The following COL11A1 variants were observed in gnomAD, a reference collection of about 807,000 sequenced individuals.
COL11A1 encodes collagen type XI alpha 1 chain.
A neutral mutation model predicts 265.2 loss-of-function variants in COL11A1; 74 were observed. The ratio of observed to expected loss-of-function variants is 0.28; its 90% CI spans 0.23 to 0.34. The LOEUF is 0.34. Among genes scored for constraint, COL11A1 ranks in the 10% least tolerant of loss-of-function variants. The pLI is 1.00. For synonymous variants in COL11A1, 816 were observed against 727.6 expected, an observed-to-expected ratio of 1.12 and a Z score of -1.96; for missense variants, 2,165 against 2,263.6, an observed-to-expected ratio of 0.96 and a Z score of 0.88.
At chr1:103,043,764 A>T (rs2102067780) in intron 4 of COL11A1, among the ~76,000 whole-genome samples, 1 of 152,204 alleles carries the variant, frequency 6.6e-6, no homozygotes, top group African/African-American at 2.4e-5. Context: ...ACTTCTAGTT[A>T]TAATTTTTCT....
rs201124160 is a variant in COL11A1 at position 103,074,823 on chromosome 1, G to A, written c.489-43C>T. On this transcript the variant is annotated intron_variant, in intron 3 of 66. Transcript: ENST00000370096. ...TTCTTTTGTAAGCTTCAAAGAAACA[G>A]TGGTTGCCAAAGCAGTATTCACATA... 5.0e-6 allele frequency: 8 copies of A among 1,605,046 alleles called. No homozygotes were observed. The East Asian group carries it at 1.8e-4, about 36-fold the overall frequency.
rs749727653 is a variant in COL11A1, at chr1:102,878,017, T to A, written c.*2A>T. On this transcript the variant is annotated 3_prime_UTR_variant, in exon 67 of 67. Coordinates refer to ENST00000370096, the MANE Select transcript of COL11A1 (RefSeq NM_001854.4). ...TGATTTGATATGTTCTTTGTCTTAA[T>A]CTTAGCCAAGAAAACAAACAGGACC... is the stretch of plus-strand genomic sequence containing the variant. The A allele has an allele frequency of 4.3e-6, 7 of 1,613,236 alleles. No homozygotes were observed. In the African/African-American group the frequency reaches 9.3e-5, roughly 22 times the overall value.
At chr1:103,043,768 T>C (rs1365407260) in intron 4 of COL11A1, among the ~76,000 whole-genome samples, 2 of 152,190 alleles carry the variant, frequency 1.3e-5, no homozygotes, top group East Asian at 3.9e-4. Flanking sequence ...CTAGTTATAA[T>C]TTTTCTAAAA....
At chr1:102,903,087 T>A (rs1032670968) in intron 54 of COL11A1, among the ~76,000 whole-genome samples, 1 of 152,128 alleles carries the variant, frequency 6.6e-6, no homozygotes, top group Non-Finnish European at 1.5e-5. Flanking sequence ...CTCTAGATTT[T>A]TTTTTCAGTA....
chr1:102,984,256 T>A (rs1446188427), intron 30 of COL11A1, 65 bp from the exon 31 acceptor site: 1 of 1,102,616 alleles, frequency 9.1e-7, no homozygotes, highest in Non-Finnish European at 1.3e-6. Flanking sequence ...AATAATGATT[T>A]CAATTTTTTT....
At chr1:103,052,041 T>C (rs539505206) in intron 4 of COL11A1, among the ~76,000 whole-genome samples, 5 of 152,038 alleles carry the variant, frequency 3.3e-5, no homozygotes, top group Non-Finnish European at 7.4e-5. Context: ...AATATTAAGT[T>C]CCTCCCTCCC....
intron 1 of COL11A1, among the ~76,000 whole-genome samples, chr1:103,093,995 A>G (rs182732182): frequency 3.3e-4 from 51 of 152,278 alleles, no homozygotes; most frequent in Middle Eastern, 6.8e-3. Context: ...ATTGTTACAG[A>G]GAAAGCCTTG....
rs774266066 is a variant in COL11A1 at position 102,939,009 on chromosome 1, C to T, written c.3438+26G>A. The T allele has an allele frequency of 1.9e-6, 3 of 1,603,220 alleles. No homozygotes were observed. In the Admixed American group the frequency reaches 5.0e-5, roughly 27 times the overall value. Reference sequence around the variant, plus strand: ...TAAAAGTTGTTAAATAAATAATGTTCTCTCAGTAAGAAGTAGGAAACTCAC... The same window carrying T: ...TAAAAGTTGTTAAATAAATAATGTTTTCTCAGTAAGAAGTAGGAAACTCAC... On this transcript the variant is annotated intron_variant, in intron 44 of 66. Coordinates refer to ENST00000370096, the MANE Select transcript of COL11A1 (RefSeq NM_001854.4).
At chr1:102,901,212 CG>C (rs1319147783) in intron 54 of COL11A1, among the ~76,000 whole-genome samples, 1 of 151,128 alleles carries the variant, frequency 6.6e-6, no homozygotes, top group Non-Finnish European at 1.5e-5. Context: ...CCCAGCTACT[CG>C]GGAGGCTGAG....
chr1:103,096,606 T>C (rs773077617), intron 1 of COL11A1, among the ~76,000 whole-genome samples: 1 of 151,952 alleles, frequency 6.6e-6, no homozygotes, highest in Admixed American at 6.6e-5. Context: ...AATAAAACTT[T>C]AGGAGTTGAC....
chr1:102,922,475 C>A (rs1309042147), intron 47 of COL11A1, among the ~76,000 whole-genome samples: 1 of 152,186 alleles, frequency 6.6e-6, no homozygotes, highest in African/African-American at 2.4e-5. Context: ...CGGCTCACTG[C>A]AAGCTCCGCC....
At chr1:102,914,860 T>C (rs1400140510) in intron 50 of COL11A1, 49 bp from the exon 51 acceptor site, 7 of 1,454,220 alleles carry the variant, frequency 4.8e-6, no homozygotes, top group South Asian at 1.2e-5. Context: ...AGAAGAGTTA[T>C]CTTACAAGTT....
chr1:103,022,683 G>A (rs541175250), intron 8 of COL11A1, 59 bp downstream of exon 8: 259 of 1,600,476 alleles, frequency 1.6e-4, no homozygotes, highest in Non-Finnish European at 2.2e-4. Context: ...GATGGACATG[G>A]ACATAAAAAT....
At chr1:102,978,123 T>C (rs1413881198) in intron 35 of COL11A1, among the ~76,000 whole-genome samples, 2 of 152,160 alleles carry the variant, frequency 1.3e-5, no homozygotes, top group Non-Finnish European at 2.9e-5. Context: ...GGAGGATAGC[T>C]TTTTTAAAAA....
At chr1:102,939,139 T>G (rs1173886697) in intron 43 of COL11A1, 51 bp from the exon 44 acceptor site, 1 of 1,448,084 alleles carries the variant, frequency 6.9e-7, no homozygotes, top group African/African-American at 1.4e-5. Flanking sequence ...GCTATTGCAT[T>G]GTCTTAATTA....
chr1:102,951,695 G>A (rs1426328612), intron 41 of COL11A1, among the ~76,000 whole-genome samples: 2 of 151,958 alleles, frequency 1.3e-5, no homozygotes, highest in East Asian at 1.9e-4. Flanking sequence ...AGCCGATATC[G>A]CGCCACTGCA....
Position 102,888,733 on chromosome 1 carries a change from T to C in COL11A1, c.4544A>G (p.Lys1515Arg). The C allele has an allele frequency of 1.9e-6, 3 of 1,613,978 alleles. No homozygotes were observed. In the South Asian group the frequency reaches 3.3e-5, roughly 18 times the overall value. The change falls in exon 61 of 67, where the codon AAA becomes AGA. Residue 1515 changes from lysine (K) to arginine (R), a missense_variant. By Grantham distance (26) the Lys-to-Arg change is conservative. Coordinates refer to ENST00000370096, the MANE Select transcript of COL11A1 (RefSeq NM_001854.4). ...GGGAAAAGTACTTACAGTAGAGCCT[T>C]TGTTACCCTTTGGGCCTTGAGGACC... ...LPGPQGPKGN[K>R]GSTGPAGQKG...
At position 103,008,781 on chromosome 1, in the gene COL11A1, T is replaced by G. The variant is rs1191322645; in HGVS notation, c.1630-265A>C. 2.6e-5 allele frequency among the ~76,000 whole-genome samples: 4 copies of G among 152,214 alleles called. No individual in the cohort carries two copies. In the East Asian group the frequency reaches 7.7e-4, roughly 29 times the overall value. On this transcript the variant is annotated intron_variant, in intron 14 of 66. Transcript: ENST00000370096. ...AGAAGCTAACCTCATGAAATCACAT[T>G]GAAATTGTCTTTTGTGTGTGCACTA... is the stretch of plus-strand genomic sequence containing the variant.
At chr1:103,002,341 A>G in intron 23 of COL11A1, 87 bp downstream of exon 23, 1 of 1,163,060 alleles carries the variant, frequency 8.6e-7, no homozygotes, top group South Asian at 1.3e-5. Flanking sequence ...AGGACTACAT[A>G]GAAAATTGTG....
Sources: allele counts gnomAD v4.1 joint callset (sites outside exome capture counted in the v4.1 genomes callset), GRCh38; gene constraint gnomAD v4.1.1; transcripts MANE v1.5; gene names NCBI Gene and HGNC (gene_info 2026-07-23, HGNC 2026-07-21).